Variants in FRAS1 observed in about 807,000 individuals in gnomAD.
The protein encoded by FRAS1 is extracellular matrix organizing protein FRAS1.
A neutral mutation model predicts 435.2 loss-of-function variants in FRAS1; 290 were observed. That is an observed-to-expected ratio of 0.67 (90% CI 0.61 to 0.73). FRAS1 has a LOEUF of 0.73. FRAS1 is among the 30% of genes least tolerant of loss of function. The pLI is 0.00. For missense variants in FRAS1, 4,860 were observed against 5,001.5 expected, an observed-to-expected ratio of 0.97 and a Z score of 0.85; for synonymous variants, 1,800 against 1,851.0, an observed-to-expected ratio of 0.97 and a Z score of 0.71.
At chr4:78,338,569 C>T (rs1436263768) in intron 20 of FRAS1, among the ~76,000 whole-genome samples, 1 of 152,182 alleles carries the variant, frequency 6.6e-6, no homozygotes, top group Non-Finnish European at 1.5e-5. Context: ...ACTTGCAGAG[C>T]TTCTCCTTTA....
intron 54 of FRAS1, among the ~76,000 whole-genome samples, chr4:78,476,483 A>G (rs538522174): frequency 6.6e-6 from 1 of 152,210 alleles, no homozygotes; most frequent in Admixed American, 6.5e-5. Context: ...TTTTTTTCAA[A>G]GCAACTTTAT....
At position 78,451,824 on chromosome 4, in the gene FRAS1, T is replaced by C; in HGVS notation, c.6516T>C (p.Phe2172=). Residue 2172 remains phenylalanine (F), a synonymous_variant, in exon 46 of 74, where the codon TTT becomes TTC. Coordinates refer to ENST00000512123, the MANE Select transcript of FRAS1 (RefSeq NM_025074.7). ...GTGEPGGSFA[F]KFDVVDGEGN... is the part of the protein sequence containing the mutation. ...GAGAACCTGGAGGGAGCTTTGCTTT[T>C]AAATTTGATGTGGTTGATGGAGAAG... 1 of 1,613,296 alleles carries C rather than the reference T, an allele frequency of 6.2e-7. No homozygotes were observed. Among genetic ancestry groups the C allele is most frequent in the Middle Eastern group, 1.7e-4 (1 of 6,058 alleles).
Position 78,429,194 on chromosome 4 carries a change from T to G in FRAS1, c.4811T>G (p.Leu1604Arg), listed in dbSNP as rs1734117654. The change falls in exon 36 of 74, where the codon CTG (leucine) becomes CGG (arginine). Residue 1604 changes from leucine to arginine, a missense_variant. By Grantham distance (102) the Leu-to-Arg change is moderately radical (BLOSUM62 -2). Coordinates refer to ENST00000512123, the MANE Select transcript of FRAS1 (RefSeq NM_025074.7). Reference protein sequence around the residue: ...LPVFQVTAPRLAVSPGGSTSV... With the variant: ...LPVFQVTAPRRAVSPGGSTSV... Reference sequence around the variant, plus strand: ...GTGTTCCAGGTCACAGCTCCACGGCTGGCGGTCAGCCCAGGAGGCAGCACT... The same window carrying G: ...GTGTTCCAGGTCACAGCTCCACGGCGGGCGGTCAGCCCAGGAGGCAGCACT... 1 of 1,606,860 alleles carries G rather than the reference T, an allele frequency of 6.2e-7. No homozygotes were observed. The highest frequency in any genetic ancestry group is 1.7e-5 in the Admixed American group (1 of 59,230).
chr4:78,381,166 G>A (rs1346963929), intron 27 of FRAS1, among the ~76,000 whole-genome samples: 1 of 152,126 alleles, frequency 6.6e-6, no homozygotes, highest in South Asian at 2.1e-4. Context: ...GGAACAATAG[G>A]CATGCTTCCA....
At chr4:78,283,381 T>C (rs1432341670) in intron 12 of FRAS1, among the ~76,000 whole-genome samples, 1 of 152,244 alleles carries the variant, frequency 6.6e-6, no homozygotes. Context: ...ATTGAACAGA[T>C]GGTTCCTTTT....
chr4:78,518,418 T>G (rs993497154), intron 66 of FRAS1, among the ~76,000 whole-genome samples: 6 of 83,836 alleles, frequency 7.2e-5, no homozygotes, highest in African/African-American at 3.0e-4. Context: ...AGTTTTTTTG[T>G]TGTGTATATA....
intron 64 of FRAS1, 54 bp downstream of exon 64, chr4:78,511,560 C>T (rs773448393): frequency 2.2e-5 from 28 of 1,287,378 alleles, no homozygotes; most frequent in Non-Finnish European, 2.9e-5. Context: ...TCTCAGGTCT[C>T]CTTTGTGTGT....
At chr4:78,492,992 A>G (rs1233842247) in intron 59 of FRAS1, among the ~76,000 whole-genome samples, 1 of 152,238 alleles carries the variant, frequency 6.6e-6, no homozygotes, top group Non-Finnish European at 1.5e-5. Context: ...AAGTAGGCAA[A>G]GGATATGAAC....
chr4:78,380,703 A>C (rs1420865272), intron 27 of FRAS1, among the ~76,000 whole-genome samples: 1 of 152,226 alleles, frequency 6.6e-6, no homozygotes, highest in African/African-American at 2.4e-5. Context: ...TAGTGCAGAT[A>C]ATTCAGCATA....
intron 2 of FRAS1, among the ~76,000 whole-genome samples, chr4:78,066,617 T>C (rs1740050879): frequency 6.6e-6 from 1 of 152,194 alleles, no homozygotes; most frequent in South Asian, 2.1e-4. Context: ...TGCATAACAG[T>C]GTGTTAAAGC....
At chr4:78,224,083 C>T (rs1159760747) in intron 2 of FRAS1, among the ~76,000 whole-genome samples, 5 of 152,146 alleles carry the variant, frequency 3.3e-5, no homozygotes, top group East Asian at 3.9e-4. Context: ...CAGGGCTGGC[C>T]GCCCTTGAGG....
intron 2 of FRAS1, among the ~76,000 whole-genome samples, chr4:78,143,626 T>C (rs530746292): frequency 6.6e-6 from 1 of 152,142 alleles, no homozygotes; most frequent in East Asian, 1.9e-4. Context: ...CTAGGTTCAG[T>C]AGCTGAAGCC....
intron 29 of FRAS1, among the ~76,000 whole-genome samples, chr4:78,388,390 A>C (rs971666836): frequency 1.4e-4 from 21 of 152,030 alleles, no homozygotes; most frequent in Non-Finnish European, 3.1e-4. Flanking sequence ...ATAGTCAGAT[A>C]ATCTGAATGA....
chr4:78,520,593 C>T (rs750982693), intron 67 of FRAS1, among the ~76,000 whole-genome samples: 2 of 151,432 alleles, frequency 1.3e-5, no homozygotes, highest in Non-Finnish European at 3.0e-5. Flanking sequence ...CTCCCTTATG[C>T]TTTAAATCAT....
intron 61 of FRAS1, among the ~76,000 whole-genome samples, chr4:78,505,524 A>G (rs1241514546): frequency 1.3e-5 from 2 of 152,016 alleles, no homozygotes; most frequent in Non-Finnish European, 2.9e-5. Flanking sequence ...TGAATTGCCT[A>G]TTGAAGCTTG....
intron 69 of FRAS1, among the ~76,000 whole-genome samples, chr4:78,525,119 A>G (rs1196352307): frequency 6.6e-6 from 1 of 152,186 alleles, no homozygotes; most frequent in African/African-American, 2.4e-5. Flanking sequence ...GAGTAGGGCC[A>G]TGGGATGGGG....
chr4:78,202,761 C>T (rs1042613688), intron 2 of FRAS1, among the ~76,000 whole-genome samples: 4 of 152,210 alleles, frequency 2.6e-5, no homozygotes, highest in African/African-American at 4.8e-5. Context: ...GTGTGGAACA[C>T]GGAACCCACA....
rs779970777 is a variant in FRAS1 at position 78,407,747 on chromosome 4, C to G, written c.4214C>G (p.Pro1405Arg). 2 of 1,613,834 alleles carry G rather than the reference C, an allele frequency of 1.2e-6. No individual in the cohort carries two copies. The change falls in exon 31 of 74, where the codon CCC becomes CGC. Residue 1405 changes from proline to arginine, a missense_variant. Coordinates refer to ENST00000512123, the MANE Select transcript of FRAS1 (RefSeq NM_025074.7). ...CTGCCTGATGGGAGGACAGCTACCC[C>G]CACCAGCACCTTCACCCAGCAGGAC... ...QHLPDGRTAT[P>R]TSTFTQQDIN...
chr4:78,251,033 T>C (rs974641828), intron 4 of FRAS1, among the ~76,000 whole-genome samples: 1 of 152,188 alleles, frequency 6.6e-6, no homozygotes, highest in African/African-American at 2.4e-5. Context: ...TTTTATTTTA[T>C]ATATTTTATG....
Sources: allele counts gnomAD v4.1 joint callset (sites outside exome capture counted in the v4.1 genomes callset), GRCh38; gene constraint gnomAD v4.1.1; transcripts MANE v1.5; gene names NCBI Gene and HGNC (gene_info 2026-07-23, HGNC 2026-07-21).